GTF2B: variants seen among roughly 807,000 people sequenced by gnomAD.
The protein encoded by GTF2B is general transcription factor IIB, also known as transcription initiation factor IIB.
Under a neutral mutation model 34.6 loss-of-function variants are expected in GTF2B, and 20 were observed. That is an observed-to-expected ratio of 0.58 (90% CI 0.41 to 0.84). The LOEUF (loss-of-function observed/expected upper bound fraction) is 0.84, where lower values mean the gene tolerates loss of function less well. Among genes scored for constraint, GTF2B ranks in the 40% least tolerant of loss-of-function variants. The probability of loss-of-function intolerance (pLI) is 0.00; values close to 1 mark genes in which losing one functional copy is unlikely to be tolerated. For missense variants in GTF2B, 237 were observed against 393.3 expected (o/e 0.60, Z 3.36); for synonymous variants, 142 against 132.4 (o/e 1.07, Z -0.50).
At chr1:88,856,292 A>AAAAAAAAAAAG (rs1673311237) in intron 6 of GTF2B, among the ~76,000 whole-genome samples, 3 of 53,242 alleles carry the variant, frequency 5.6e-5, no homozygotes, top group Non-Finnish European at 1.2e-4. Flanking sequence ...AAAAAAAAAC[A>AAAAAAAAAAAG]AAAAAAAAAA....
intron 2 of GTF2B, among the ~76,000 whole-genome samples, chr1:88,874,174 A>G (rs989223884): frequency 6.6e-6 from 1 of 152,212 alleles, no homozygotes; most frequent in African/African-American, 2.4e-5. Flanking sequence ...AGAAGGGCTT[A>G]TCGTGCAGGG....
At chr1:88,855,360 T>C (rs1158076626) in intron 6 of GTF2B, among the ~76,000 whole-genome samples, 1 of 106,650 alleles carries the variant, frequency 9.4e-6, no homozygotes, top group Non-Finnish European at 1.8e-5. Flanking sequence ...TCTGTTTTTG[T>C]TTTTTTTTTT....
At chr1:88,861,056 T>C (rs1673429421) in intron 3 of GTF2B, among the ~76,000 whole-genome samples, 1 of 152,188 alleles carries the variant, frequency 6.6e-6, no homozygotes, top group Non-Finnish European at 1.5e-5. Context: ...ACAGCTGCTA[T>C]AAATAATTCA....
intron 2 of GTF2B, among the ~76,000 whole-genome samples, chr1:88,883,731 T>C (rs910857828): frequency 6.6e-6 from 1 of 152,140 alleles, no homozygotes; most frequent in African/African-American, 2.4e-5. Context: ...TTGTTCACAA[T>C]TACTGGTTAA....
chr1:88,857,490 A>G lies in GTF2B; in HGVS notation c.536-3T>C. The stretch of plus-strand genomic sequence containing the variant: ...AATTCGTGATACGGCACATATTTCT[A>G]AAAGAAAAAAAATTAAATAAATCAA... On this transcript the variant is annotated splice_polypyrimidine_tract_variant and splice_region_variant and intron_variant, in intron 5 of 6. Coordinates refer to ENST00000370500, the MANE Select transcript of GTF2B (RefSeq NM_001514.6). 1 of 1,489,774 alleles carries G rather than the reference A, an allele frequency of 6.7e-7. No individual in the cohort carries two copies. Among genetic ancestry groups the G allele is most frequent in the Non-Finnish European group, 9.3e-7 (1 of 1,075,444 alleles). 92.3% of individuals were successfully genotyped at this position (1,489,774 alleles called of 1,614,324 possible). A position where few individuals can be genotyped will look rare whatever the true frequency, so the allele number is the denominator to read the frequency against.
At chr1:88,876,731 C>A (rs1209841017) in intron 2 of GTF2B, among the ~76,000 whole-genome samples, 4 of 152,144 alleles carry the variant, frequency 2.6e-5, no homozygotes, top group Admixed American at 6.5e-5. Flanking sequence ...ACTAAAATTA[C>A]ACTATATATT....
At chr1:88,863,036 T>G (rs1368508525) in intron 3 of GTF2B, among the ~76,000 whole-genome samples, 2 of 151,736 alleles carry the variant, frequency 1.3e-5, no homozygotes, top group East Asian at 3.9e-4. Flanking sequence ...TGATTAGCCC[T>G]CAGTAATACC....
chr1:88,855,419 CTAGGCTCACCG>C (rs1426766573), intron 6 of GTF2B, among the ~76,000 whole-genome samples: 2 of 139,972 alleles, frequency 1.4e-5, no homozygotes, highest in Non-Finnish European at 3.0e-5. Flanking sequence ...GTGGTGCAAT[CTAGGCTCACCG>C]CAACCTCTGC....
At chr1:88,857,898 T>C (rs1260983256) in intron 5 of GTF2B, among the ~76,000 whole-genome samples, 3 of 151,942 alleles carry the variant, frequency 2.0e-5, no homozygotes, top group African/African-American at 7.3e-5. Context: ...GCCAGGCCTG[T>C]CTAGAACTCC....
At chr1:88,883,000 T>C (rs528703160) in intron 2 of GTF2B, among the ~76,000 whole-genome samples, 22 of 152,332 alleles carry the variant, frequency 1.4e-4, no homozygotes, top group African/African-American at 5.1e-4. Flanking sequence ...GCCTGGAAAA[T>C]ATATCTGCTG....
chr1:88,872,879 A>AC (rs1235867911), intron 2 of GTF2B, among the ~76,000 whole-genome samples: 1 of 152,166 alleles, frequency 6.6e-6, no homozygotes, highest in Non-Finnish European at 1.5e-5. Context: ...TCAATAATAG[A>AC]CCCTTTAGCG....
intron 6 of GTF2B, among the ~76,000 whole-genome samples, chr1:88,855,645 G>A (rs569971646): frequency 4.0e-5 from 6 of 151,312 alleles, no homozygotes; most frequent in Non-Finnish European, 5.9e-5. Flanking sequence ...GAGCCACCGC[G>A]ACCTGCCACC....
intron 1 of GTF2B, among the ~76,000 whole-genome samples, 161 bp downstream of exon 1, chr1:88,891,322 G>A (rs2100984440): frequency 6.6e-6 from 1 of 152,320 alleles, no homozygotes; most frequent in African/African-American, 2.4e-5. Flanking sequence ...TGACAGTCCT[G>A]CCGTCTGGAA....
At chr1:88,855,360 T>G (rs1158076626) in intron 6 of GTF2B, among the ~76,000 whole-genome samples, 1 of 106,650 alleles carries the variant, frequency 9.4e-6, no homozygotes, top group Non-Finnish European at 1.8e-5. Flanking sequence ...TCTGTTTTTG[T>G]TTTTTTTTTT....
chr1:88,853,981 TA>T (rs1673245978), intron 6 of GTF2B, among the ~76,000 whole-genome samples: 1 of 152,206 alleles, frequency 6.6e-6, no homozygotes, highest in African/African-American at 2.4e-5. Context: ...TTAACTAACA[TA>T]AAATATATGA....
Position 88,857,266 on chromosome 1 carries a change from C to T in GTF2B, c.757G>A (p.Val253Met). The part of the protein sequence containing the change: ...DLVPGRSPIS[V>M]AAAAIYMASQ... Reference sequence around the variant, plus strand: ...GCCATGTAAATAGCTGCCGCTGCCACAGAGATGGGGCTCCTCCCAGGAACC... The same window carrying T: ...GCCATGTAAATAGCTGCCGCTGCCATAGAGATGGGGCTCCTCCCAGGAACC... Residue 253 changes from valine to methionine, a missense_variant, in exon 6 of 7, where the codon GTG becomes ATG. Transcript: ENST00000370500. 6.2e-7 allele frequency: 1 copy of T among 1,614,114 alleles called. No individual in the cohort carries two copies. Among genetic ancestry groups the T allele is most frequent in the Non-Finnish European group, 8.5e-7 (1 of 1,179,964 alleles).
At chr1:88,874,497 ATTTTTTTT>A (rs56331310) in intron 2 of GTF2B, among the ~76,000 whole-genome samples, 2 of 83,572 alleles carry the variant, frequency 2.4e-5, no homozygotes, top group African/African-American at 9.1e-5. Flanking sequence ...AGCTAATTAA[ATTTTTTTT>A]TTTTTTTTTT....
chr1:88,854,598 G>A (rs1673260409), intron 6 of GTF2B, among the ~76,000 whole-genome samples: 1 of 152,128 alleles, frequency 6.6e-6, no homozygotes. Flanking sequence ...TGCCTCCCCG[G>A]TTCAAGCAAT....
At chr1:88,860,444 C>T (rs1673409822) in intron 3 of GTF2B, among the ~76,000 whole-genome samples, 158 bp from the exon 4 acceptor site, 1 of 152,088 alleles carries the variant, frequency 6.6e-6, no homozygotes, top group Non-Finnish European at 1.5e-5. Context: ...GTAATTCTAA[C>T]AACTGTTCAA....
Sources: gnomAD v4.1 joint callset for allele counts (sites outside exome capture counted in the v4.1 genomes callset) on GRCh38, gnomAD v4.1.1 for gene constraint, MANE v1.5 for transcripts, NCBI Gene and HGNC (gene_info 2026-07-23, HGNC 2026-07-21) for gene names.